Variants in RLF observed in about 807,000 individuals in gnomAD.
RLF encodes the protein zinc finger protein Rlf.
Under a neutral mutation model 162.9 loss-of-function variants are expected in RLF, and 7 were observed. The ratio of observed to expected loss-of-function variants is 0.04; its 90% confidence interval spans 0.02 to 0.08. The LOEUF is 0.08. RLF is among the 10% of genes least tolerant of loss of function. RLF has a pLI of 1.00. For synonymous variants in RLF, 782 were observed against 791.5 expected, an observed-to-expected ratio of 0.99 and a Z score of 0.20; for missense variants, 1,664 against 2,244.7, an observed-to-expected ratio of 0.74 and a Z score of 5.23.
chr1:40,215,714 T>G (rs1642916676), intron 5 of RLF, among the ~76,000 whole-genome samples: 1 of 152,006 alleles, frequency 6.6e-6, no homozygotes, highest in South Asian at 2.1e-4. Context: ...CCCAAAGTGT[T>G]GAGACTACAG....
chr1:40,170,671 TCTGA>T lies in RLF; in HGVS notation c.237+9040_237+9043del, dbSNP rs775019507. The stretch of plus-strand genomic sequence containing the variant: ...AAATTTATTTGTAAAACCAGCTGAC[TCTGA>T]CTGAGCTTTTTATGAAAAAATTTCA... On this transcript the variant is annotated intron_variant, in intron 1 of 7. Coordinates refer to ENST00000372771, the MANE Select transcript of RLF (RefSeq NM_012421.4). 5.7e-4 allele frequency among the ~76,000 whole-genome samples: 87 copies of T among 152,332 alleles called. 1 individual carries two copies. The highest frequency in any genetic ancestry group is 8.8e-4 in the Non-Finnish European group (60 of 68,026).
chr1:40,192,961 A>G (rs1642578646), intron 3 of RLF, among the ~76,000 whole-genome samples: 1 of 152,138 alleles, frequency 6.6e-6, no homozygotes, highest in African/African-American at 2.4e-5. Context: ...GGTTTTTTAC[A>G]TAATAATCAT....
chr1:40,185,843 CAAAAAAAAA>C (rs33982008), intron 1 of RLF, among the ~76,000 whole-genome samples: 3 of 67,526 alleles, frequency 4.4e-5, no homozygotes, highest in African/African-American at 5.8e-5. Flanking sequence ...AAAAAAAAAG[CAAAAAAAAA>C]AAAAAAAAAA....
intron 5 of RLF, among the ~76,000 whole-genome samples, chr1:40,209,524 C>T (rs745797879): frequency 6.6e-6 from 1 of 152,176 alleles, no homozygotes; most frequent in African/African-American, 2.4e-5. Flanking sequence ...TGAATTTGCA[C>T]AGAGAAACAA....
chr1:40,174,605 A>G (rs1642292032), intron 1 of RLF, among the ~76,000 whole-genome samples: 1 of 152,220 alleles, frequency 6.6e-6, no homozygotes, highest in Admixed American at 6.5e-5. Flanking sequence ...TCTTATCAAA[A>G]TAAATTAATC....
chr1:40,224,370 G>GT (rs997591785), intron 6 of RLF, among the ~76,000 whole-genome samples: 21 of 143,042 alleles, frequency 1.5e-4, no homozygotes, highest in Non-Finnish European at 2.3e-4. Context: ...GTGCAGTGGT[G>GT]TGATCTTGGC....
intron 1 of RLF, among the ~76,000 whole-genome samples, chr1:40,185,992 A>G (rs1642475341): frequency 6.6e-6 from 1 of 152,028 alleles, no homozygotes; most frequent in African/African-American, 2.4e-5. Context: ...CCCCATCTCT[A>G]CTAAAAACAG....
intron 3 of RLF, among the ~76,000 whole-genome samples, chr1:40,192,007 G>C (rs1323848517): frequency 6.6e-6 from 1 of 152,166 alleles, no homozygotes; most frequent in African/African-American, 2.4e-5. Flanking sequence ...CACAAATAAA[G>C]ACATGCATAT....
At chr1:40,176,741 C>A (rs1237719332) in intron 1 of RLF, among the ~76,000 whole-genome samples, 1 of 152,176 alleles carries the variant, frequency 6.6e-6, no homozygotes, top group Non-Finnish European at 1.5e-5. Flanking sequence ...GTGTGCCTGG[C>A]CCTAATGACT....
chr1:40,238,541 A>T lies in RLF; in HGVS notation c.3839A>T (p.Glu1280Val). ...DISSPIGSHREEQEGREGRGS... is the reference protein window; with the variant it reads ...DISSPIGSHRVEQEGREGRGS... Reference sequence around the variant, plus strand: ...TCATCACCAATAGGCAGCCATAGAGAAGAACAAGAAGGAAGAGAGGGCAGA... The same window carrying T: ...TCATCACCAATAGGCAGCCATAGAGTAGAACAAGAAGGAAGAGAGGGCAGA... The change falls in exon 8 of 8, where the codon GAA becomes GTA. Residue 1280 changes from glutamate to valine, a missense_variant. Coordinates refer to ENST00000372771, the MANE Select transcript of RLF (RefSeq NM_012421.4). This position sits in a 1 kb window ranked among gnomAD's most constrained non-coding sequence, Gnocchi z 5.2. 3 of 1,613,872 alleles carry T rather than the reference A, an allele frequency of 1.9e-6. No homozygotes were observed. The highest frequency in any genetic ancestry group is 2.5e-6 in the Non-Finnish European group (3 of 1,180,004).
At chr1:40,201,355 G>T (rs1282979891) in intron 4 of RLF, among the ~76,000 whole-genome samples, 1 of 151,820 alleles carries the variant, frequency 6.6e-6, no homozygotes, top group East Asian at 1.9e-4. Flanking sequence ...GCCGGGTGCG[G>T]TGGCTCATGC....
intron 1 of RLF, among the ~76,000 whole-genome samples, chr1:40,183,625 G>A (rs56696182): frequency 0.043 from 6,529 of 152,166 alleles, 201 homozygotes; most frequent in South Asian, 0.12. Flanking sequence ...AAGGCATAAA[G>A]AAAGCGTGGT....
At chr1:40,168,940 C>T (rs1277889514) in intron 1 of RLF, among the ~76,000 whole-genome samples, 1 of 151,932 alleles carries the variant, frequency 6.6e-6, no homozygotes, top group Non-Finnish European at 1.5e-5. Context: ...TTGCAGTGGG[C>T]AGAAATCATG....
intron 5 of RLF, among the ~76,000 whole-genome samples, chr1:40,205,091 G>A (rs562656169): frequency 6.6e-6 from 1 of 152,070 alleles, no homozygotes; most frequent in African/African-American, 2.4e-5. Context: ...TTACATCATC[G>A]ATTTCCCTGT....
chr1:40,217,186 C>T (rs1642935662), intron 5 of RLF, among the ~76,000 whole-genome samples: 1 of 152,072 alleles, frequency 6.6e-6, no homozygotes, highest in Admixed American at 6.5e-5. Context: ...TTACTTAAGG[C>T]TGGGTATGGT....
In RLF at chr1:40,235,953, C is replaced by T; in HGVS notation, c.1251C>T (p.Phe417=). Residue 417 remains phenylalanine (F), a synonymous_variant, in exon 8 of 8, where the codon TTC becomes TTT. Coordinates refer to ENST00000372771, the MANE Select transcript of RLF (RefSeq NM_012421.4). ...GACGAGCCTGTCAGCTTACAGAATT[C>T]TTAATTGAACCCAGTTTGGATGGAT... ...EVRRACQLTE[F]LIEPSLDGFN... 6.2e-7 allele frequency: 1 copy of T among 1,613,972 alleles called. No homozygotes were observed. The highest frequency in any genetic ancestry group is 1.3e-5 in the African/African-American group (1 of 75,006).
At chr1:40,207,015 CT>C (rs1333672794) in intron 5 of RLF, among the ~76,000 whole-genome samples, 2 of 152,292 alleles carry the variant, frequency 1.3e-5, no homozygotes, top group East Asian at 3.9e-4. Context: ...AAAATGACCC[CT>C]ATCACTTTGT....
At position 40,161,889 on chromosome 1, in the gene RLF, A is replaced by C. The variant is rs1342956998; in HGVS notation, c.237+253A>C. Reference sequence around the variant, plus strand: ...CCGGAGGGCCCTGGCGGGTCCCTGGAAGGGCTGTGCCCTGTCGCCGTTGCC... The same window carrying C: ...CCGGAGGGCCCTGGCGGGTCCCTGGCAGGGCTGTGCCCTGTCGCCGTTGCC... On this transcript the variant is annotated intron_variant, in intron 1 of 7. Coordinates refer to ENST00000372771, the MANE Select transcript of RLF (RefSeq NM_012421.4). This position sits in a 1 kb window ranked among gnomAD's most constrained non-coding sequence, Gnocchi z 4.4. Among the ~76,000 whole-genome samples the C allele has an allele frequency of 6.6e-6, 1 of 152,078 alleles. No individual in the cohort carries two copies. Among genetic ancestry groups the C allele is most frequent in the East Asian group, 1.9e-4 (1 of 5,174 alleles).
intron 1 of RLF, among the ~76,000 whole-genome samples, chr1:40,178,303 C>T (rs1642354894): frequency 6.6e-6 from 1 of 152,048 alleles, no homozygotes; most frequent in Non-Finnish European, 1.5e-5. Context: ...ATACCACACT[C>T]TTATGTTGCA....
Sources: gnomAD v4.1 joint callset for allele counts (sites outside exome capture counted in the v4.1 genomes callset) on GRCh38, gnomAD v4.1.1 for gene constraint, Gnocchi (gnomAD v3.1) non-coding constraint, MANE v1.5 for transcripts, NCBI Gene and HGNC (gene_info 2026-07-23, HGNC 2026-07-21) for gene names.